ZBTB7C: variants seen among roughly 807,000 people sequenced by gnomAD.
The protein encoded by ZBTB7C is zinc finger and BTB domain containing 7C.
Under a neutral mutation model 25.7 loss-of-function variants are expected in ZBTB7C, and 8 were observed. The observed-to-expected ratio is 0.31, with a 90% confidence interval of 0.18 to 0.56. The LOEUF (loss-of-function observed/expected upper bound fraction) is 0.56. Among genes scored for constraint, ZBTB7C ranks in the 20% least tolerant of loss-of-function variants. The probability of loss-of-function intolerance (pLI) is 0.91; values close to 1 mark genes in which losing one functional copy is unlikely to be tolerated. For missense variants in ZBTB7C, 824 were observed against 855.2 expected, an observed-to-expected ratio of 0.96 and a Z score of 0.46; for synonymous variants, 394 against 369.0, an observed-to-expected ratio of 1.07 and a Z score of -0.78.
In ZBTB7C at chr18:48,154,722, C is replaced by T. The variant is rs546797912; in HGVS notation, c.-17+31212G>A. On this transcript the variant is annotated intron_variant, in intron 3 of 4. Coordinates refer to ENST00000590800, the MANE Select transcript of ZBTB7C (RefSeq NM_001318841.2). ...TCACTAGCCATTTTATAGTGAGCAT[C>T]ATCCCATAATGCACTCGCCCTCACC... Among the ~76,000 whole-genome samples, 4 of 152,310 alleles carry T rather than the reference C, an allele frequency of 2.6e-5. No homozygotes were observed. The East Asian group carries it at 7.7e-4, about 29-fold the overall frequency.
intron 3 of ZBTB7C, among the ~76,000 whole-genome samples, chr18:48,049,999 A>T (rs1030367087): frequency 6.6e-6 from 1 of 152,048 alleles, no homozygotes; most frequent in Non-Finnish European, 1.5e-5. Context: ...CTTCACAGCC[A>T]CCTGGTGGAA....
At position 48,325,800 on chromosome 18, in the gene ZBTB7C, G is replaced by A. The variant is rs2046204222; in HGVS notation, c.-79+12374C>T. ...CTCACCTGCATGACAGGTGAAGAAA[G>A]GGCTTGTGGAGGGTCACTTAGTTCA... is the stretch of plus-strand genomic sequence containing the variant. On this transcript the variant is annotated intron_variant, in intron 2 of 4. Transcript: ENST00000590800. Among the ~76,000 whole-genome samples the A allele has an allele frequency of 2.0e-5, 3 of 152,154 alleles. 1 individual carries two copies. The South Asian group carries it at 6.2e-4, about 32-fold the overall frequency.
At chr18:48,038,971 T>C (rs1187252267) in intron 4 of ZBTB7C, among the ~76,000 whole-genome samples, 1 of 152,168 alleles carries the variant, frequency 6.6e-6, no homozygotes, top group Non-Finnish European at 1.5e-5. Flanking sequence ...ATGGGCCGTA[T>C]TTTCCAAAAG....
At chr18:48,155,056 C>T (rs923719411) in intron 3 of ZBTB7C, among the ~76,000 whole-genome samples, 2 of 152,170 alleles carry the variant, frequency 1.3e-5, no homozygotes, top group African/African-American at 2.4e-5. Flanking sequence ...CCTATATTCT[C>T]ATTTGCCATC....
chr18:48,073,954 C>A (rs1198231330), intron 3 of ZBTB7C, among the ~76,000 whole-genome samples: 1 of 152,214 alleles, frequency 6.6e-6, no homozygotes. Context: ...CCCTCAGGCC[C>A]CAGCCAGGCC....
chr18:48,198,833 A>T (rs2042374596), intron 2 of ZBTB7C, among the ~76,000 whole-genome samples: 1 of 151,988 alleles, frequency 6.6e-6, no homozygotes, highest in African/African-American at 2.4e-5. Flanking sequence ...TCTTTGGGAG[A>T]CCATTATCTT....
chr18:48,236,579 A>G (rs2043385654), intron 2 of ZBTB7C, among the ~76,000 whole-genome samples: 1 of 152,234 alleles, frequency 6.6e-6, no homozygotes, highest in Admixed American at 6.5e-5. Flanking sequence ...AAATATGAAC[A>G]GAATGTTACT....
intron 3 of ZBTB7C, among the ~76,000 whole-genome samples, chr18:48,125,844 C>T (rs1170965832): frequency 2.6e-5 from 4 of 152,192 alleles, no homozygotes; most frequent in Non-Finnish European, 4.4e-5. Context: ...TGTGGCTGCA[C>T]TGAGGTCGCT....
intron 1 of ZBTB7C, among the ~76,000 whole-genome samples, chr18:48,352,051 C>G (rs2046876314): frequency 6.6e-6 from 1 of 152,190 alleles, no homozygotes; most frequent in East Asian, 1.9e-4. Context: ...GTCCCCTCTT[C>G]CAGGAAGCCT....
chr18:48,377,304 T>C (rs865830659), intron 1 of ZBTB7C, among the ~76,000 whole-genome samples: 8 of 152,170 alleles, frequency 5.3e-5, no homozygotes, highest in African/African-American at 1.9e-4. Context: ...TCTCCTGATC[T>C]AACACAGGGA....
At position 48,040,985 on chromosome 18, in the gene ZBTB7C, C is replaced by A; in HGVS notation, c.123G>T (p.Gln41His). ...AGCGGTGGGTCCGATACTCCTGCTCCTGCACCACCAGGAGCACGTCACACA... is the reference window on the plus strand; with the variant it reads ...AGCGGTGGGTCCGATACTCCTGCTCATGCACCACCAGGAGCACGTCACACA... ...GLLCDVLLVV[Q>H]EQEYRTHRSV... Residue 41 changes from glutamine (Q) to histidine (H), a missense_variant, in exon 4 of 5, where the codon CAG becomes CAT. By Grantham distance (24) the Gln-to-His change is conservative. Around this residue, in one of 4 missense-constraint regions of ZBTB7C, gnomAD observed 117 missense variants for 167.7 expected, o/e 0.70. Transcript: ENST00000590800. 1.2e-6 allele frequency: 2 copies of A among 1,614,166 alleles called. No homozygotes were observed. The highest frequency in any genetic ancestry group is 1.7e-6 in the Non-Finnish European group (2 of 1,180,028).
intron 4 of ZBTB7C, among the ~76,000 whole-genome samples, chr18:48,032,578 G>T (rs1191264382): frequency 6.6e-6 from 1 of 151,674 alleles, no homozygotes; most frequent in Non-Finnish European, 1.5e-5. Flanking sequence ...GGGACTACAG[G>T]TGCCCACCAC....
chr18:48,138,042 C>T (rs915584294), intron 3 of ZBTB7C, among the ~76,000 whole-genome samples: 43 of 152,264 alleles, frequency 2.8e-4, no homozygotes, highest in African/African-American at 9.9e-4. Context: ...GCTGACTGTT[C>T]TCAGAAATGG....
At chr18:48,383,880 G>A (rs1031668407) in intron 1 of ZBTB7C, among the ~76,000 whole-genome samples, 5 of 152,092 alleles carry the variant, frequency 3.3e-5, no homozygotes, top group Admixed American at 6.5e-5. Context: ...AGGCTGGAAG[G>A]GAGCTCTGGA....
At chr18:48,161,938 TC>T (rs2041067138) in intron 3 of ZBTB7C, among the ~76,000 whole-genome samples, 1 of 147,304 alleles carries the variant, frequency 6.8e-6, no homozygotes, top group Non-Finnish European at 1.5e-5. Context: ...CCCGCCCGCC[TC>T]CCCGGGAGGC....
chr18:48,131,211 T>G (rs1248654379), intron 3 of ZBTB7C, among the ~76,000 whole-genome samples: 1 of 152,214 alleles, frequency 6.6e-6, no homozygotes, highest in African/African-American at 2.4e-5. Flanking sequence ...GCCTGAAATC[T>G]TTTAAAGGAC....
At chr18:48,201,737 C>G (rs1052953122) in intron 2 of ZBTB7C, among the ~76,000 whole-genome samples, 2 of 152,172 alleles carry the variant, frequency 1.3e-5, no homozygotes, top group Non-Finnish European at 2.9e-5. Context: ...TAATGAACAC[C>G]TGTGCACCCA....
At chr18:48,180,730 T>C (rs2041895729) in intron 3 of ZBTB7C, among the ~76,000 whole-genome samples, 1 of 152,190 alleles carries the variant, frequency 6.6e-6, no homozygotes, top group South Asian at 2.1e-4. Context: ...CAGGATCAGG[T>C]ATCTTAGTCA....
At chr18:48,232,953 C>A (rs569389599) in intron 2 of ZBTB7C, among the ~76,000 whole-genome samples, 77 of 152,224 alleles carry the variant, frequency 5.1e-4, no homozygotes, top group African/African-American at 1.8e-3. Context: ...AGCAAAACAA[C>A]AGAAACAAGA....
Sources: allele counts gnomAD v4.1 joint callset (sites outside exome capture counted in the v4.1 genomes callset), GRCh38; gene constraint gnomAD v4.1.1; regional missense constraint gnomAD v4.1.1; transcripts MANE v1.5; gene names NCBI Gene and HGNC (gene_info 2026-07-23, HGNC 2026-07-21).